SYT1: variants seen among roughly 807,000 people sequenced by gnomAD.
SYT1 encodes the protein synaptotagmin 1.
A neutral mutation model predicts 44.8 loss-of-function variants in SYT1; 8 were observed. The observed-to-expected ratio is 0.18, with a 90% CI of 0.10 to 0.32. The LOEUF is 0.32. Ranked by LOEUF, SYT1 falls within the 10% of genes least tolerant of loss-of-function variation. SYT1 has a pLI of 1.00. For synonymous variants in SYT1, 154 were observed against 188.8 expected (o/e 0.82, Z 1.51); for missense variants, 286 against 509.3 (o/e 0.56, Z 4.22).
At chr12:79,037,668 G>A (rs1873223337) in intron 2 of SYT1, among the ~76,000 whole-genome samples, 1 of 151,568 alleles carries the variant, frequency 6.6e-6, no homozygotes, top group Non-Finnish European at 1.5e-5. Context: ...CAATCTTTTG[G>A]CCTTCTACCT....
chr12:78,898,974 A>ATT (rs541513867), intron 1 of SYT1, among the ~76,000 whole-genome samples: 1 of 152,122 alleles, frequency 6.6e-6, no homozygotes, highest in African/African-American at 2.4e-5. Context: ...GTTTTGAGAT[A>ATT]TTTTATTCAT....
At chr12:79,108,476 A>T (rs1170396666) in intron 3 of SYT1, among the ~76,000 whole-genome samples, 2 of 152,044 alleles carry the variant, frequency 1.3e-5, no homozygotes, top group Non-Finnish European at 2.9e-5. Context: ...AAATAGAGAA[A>T]GCTTTTTTAT....
intron 3 of SYT1, among the ~76,000 whole-genome samples, chr12:79,136,886 T>C (rs965416287): frequency 2.6e-5 from 4 of 152,334 alleles, no homozygotes; most frequent in Admixed American, 6.5e-5. Flanking sequence ...AGTTTAGTTC[T>C]GCAAGTATTA....
intron 3 of SYT1, among the ~76,000 whole-genome samples, chr12:79,182,226 A>G (rs1872586223): frequency 6.6e-6 from 1 of 152,056 alleles, no homozygotes; most frequent in Non-Finnish European, 1.5e-5. Flanking sequence ...CTCTAATTTC[A>G]ATAGTCTTTT....
intron 1 of SYT1, chr12:78,868,804 A>G (rs1421550413): frequency 6.6e-6 from 1 of 151,750 alleles, no homozygotes; most frequent in Non-Finnish European, 1.5e-5. Context: ...GAGAGCCTAG[A>G]GTTTTTTTCT....
chr12:79,040,258 A>G (rs1337938593), intron 2 of SYT1, among the ~76,000 whole-genome samples: 4 of 150,652 alleles, frequency 2.7e-5, no homozygotes, highest in Non-Finnish European at 4.5e-5. Flanking sequence ...AAGTGTTCCT[A>G]TTTCTCCACA....
intron 1 of SYT1, among the ~76,000 whole-genome samples, chr12:78,960,917 T>A (rs1219517415): frequency 1.3e-5 from 2 of 152,098 alleles, no homozygotes; most frequent in Non-Finnish European, 2.9e-5. Flanking sequence ...GAAAGCAATA[T>A]AAAACTATCA....
chr12:79,124,375 T>G (rs752358957), intron 3 of SYT1, among the ~76,000 whole-genome samples: 4 of 152,154 alleles, frequency 2.6e-5, no homozygotes, highest in Non-Finnish European at 5.9e-5. Context: ...ATATCACATA[T>G]TATCCTATCT....
chr12:79,342,830 G>T (rs1310258669), intron 8 of SYT1, among the ~76,000 whole-genome samples: 3 of 152,194 alleles, frequency 2.0e-5, no homozygotes, highest in Non-Finnish European at 4.4e-5. Flanking sequence ...TTCAGTTTTT[G>T]GCATTCGAGT....
chr12:79,338,198 C>T (rs2139036238), intron 8 of SYT1, among the ~76,000 whole-genome samples: 1 of 152,226 alleles, frequency 6.6e-6, no homozygotes, highest in East Asian at 1.9e-4. Context: ...CCCCATTTTT[C>T]ACCATTTCCA....
intron 9 of SYT1, among the ~76,000 whole-genome samples, chr12:79,361,752 A>T (rs1224167396): frequency 1.3e-5 from 2 of 152,246 alleles, no homozygotes; most frequent in Non-Finnish European, 2.9e-5. Flanking sequence ...GACACAAAAC[A>T]GTGACATTTC....
At chr12:79,178,816 A>G (rs1004969846) in intron 3 of SYT1, among the ~76,000 whole-genome samples, 1 of 149,830 alleles carries the variant, frequency 6.7e-6, no homozygotes, top group Middle Eastern at 3.2e-3. Context: ...TCGCTCTTAT[A>G]GCCCAGGCTG....
intron 3 of SYT1, among the ~76,000 whole-genome samples, chr12:79,139,070 C>T (rs552466656): frequency 1.9e-4 from 29 of 152,330 alleles, no homozygotes; most frequent in Admixed American, 1.4e-3. Flanking sequence ...CTTTCACCAG[C>T]GTTGCCTACA....
chr12:79,388,035 C>G (rs1884503992), intron 9 of SYT1, among the ~76,000 whole-genome samples: 1 of 152,058 alleles, frequency 6.6e-6, no homozygotes, highest in South Asian at 2.1e-4. Context: ...TATTTAATCC[C>G]AAATCTTTGC....
intron 9 of SYT1, among the ~76,000 whole-genome samples, chr12:79,418,137 G>A (rs1868871770): frequency 1.3e-5 from 2 of 152,124 alleles, no homozygotes. Context: ...TTATAGGTCT[G>A]TCCCTGTAAT....
chr12:79,426,881 T>TC (rs1000828615), intron 9 of SYT1, among the ~76,000 whole-genome samples: 1 of 152,140 alleles, frequency 6.6e-6, no homozygotes, highest in African/African-American at 2.4e-5. Context: ...TGGGGGAGTT[T>TC]CCCCCATGCT....
chr12:79,410,298 A>G (rs944393711), intron 9 of SYT1, among the ~76,000 whole-genome samples: 1 of 152,158 alleles, frequency 6.6e-6, no homozygotes, highest in African/African-American at 2.4e-5. Context: ...TTGCCTATCC[A>G]TCTATTGATT....
At chr12:78,986,519 T>C (rs1041449844) in intron 2 of SYT1, among the ~76,000 whole-genome samples, 1 of 151,936 alleles carries the variant, frequency 6.6e-6, no homozygotes, top group South Asian at 2.1e-4. Flanking sequence ...AATAAATATA[T>C]TTATTAATTA....
intron 4 of SYT1, among the ~76,000 whole-genome samples, chr12:79,242,559 T>C (rs1481167397): frequency 6.6e-6 from 1 of 152,124 alleles, no homozygotes; most frequent in African/African-American, 2.4e-5. Flanking sequence ...ACAAGCAAAG[T>C]GATATTTTTT....
Sources: allele counts gnomAD v4.1 joint callset (sites outside exome capture counted in the v4.1 genomes callset), GRCh38; gene constraint gnomAD v4.1.1; transcripts MANE v1.5; gene names NCBI Gene and HGNC (gene_info 2026-07-23, HGNC 2026-07-21).